The following SERGEF variants were observed in gnomAD, a reference collection of about 807,000 sequenced individuals.
SERGEF encodes the protein secretion-regulating guanine nucleotide exchange factor.
In SERGEF, 51 loss-of-function variants were observed where a neutral mutation model predicts 50.0. The observed-to-expected ratio is 1.02, with a 90% CI of 0.81 to 1.29. SERGEF has a LOEUF of 1.29. SERGEF is among the 50% of genes most tolerant of loss of function. The probability of loss-of-function intolerance (pLI) is 0.00; values close to 1 mark genes in which losing one functional copy is unlikely to be tolerated. For synonymous variants in SERGEF, 205 were observed against 212.4 expected (o/e 0.97, Z 0.30); for missense variants, 521 against 557.0 (o/e 0.94, Z 0.65).
At chr11:18,000,472 A>T in intron 5 of SERGEF, 25 bp downstream of exon 5, 1 of 1,502,666 alleles carries the variant, frequency 6.7e-7, no homozygotes, top group Non-Finnish European at 9.0e-7. Flanking sequence ...AAATAAAAAT[A>T]AAAAAATAAA....
At chr11:17,837,659 CTT>C (rs1181213006) in intron 10 of SERGEF, among the ~76,000 whole-genome samples, 32 of 133,494 alleles carry the variant, frequency 2.4e-4, no homozygotes, top group Admixed American at 5.3e-4. Flanking sequence ...AAACCTCTTT[CTT>C]TTTTTTTTTT....
chr11:17,844,907 AC>A (rs1850575875), intron 10 of SERGEF, among the ~76,000 whole-genome samples: 1 of 137,054 alleles, frequency 7.3e-6, no homozygotes, highest in African/African-American at 2.5e-5. Flanking sequence ...TTAAAAAAAA[AC>A]AAAACAAAAC....
intron 10 of SERGEF, among the ~76,000 whole-genome samples, chr11:17,811,971 G>C (rs1346559013): frequency 6.6e-6 from 1 of 152,208 alleles, no homozygotes; most frequent in African/African-American, 2.4e-5. Context: ...CAATGCATGG[G>C]TGAATGAAAC....
intron 9 of SERGEF, among the ~76,000 whole-genome samples, chr11:17,881,310 A>T (rs899685270): frequency 6.6e-6 from 1 of 152,240 alleles, no homozygotes; most frequent in African/African-American, 2.4e-5. Flanking sequence ...TTCCAGAAAC[A>T]AGCCATTGAC....
intron 9 of SERGEF, among the ~76,000 whole-genome samples, chr11:17,931,985 T>G (rs1184792875): frequency 2.0e-5 from 3 of 152,130 alleles, no homozygotes; most frequent in Non-Finnish European, 4.4e-5. Context: ...AGCTTTCAAT[T>G]AAACCTAAGA....
chr11:17,852,125 C>T (rs1198559547), intron 10 of SERGEF, among the ~76,000 whole-genome samples: 3 of 152,030 alleles, frequency 2.0e-5, no homozygotes, highest in African/African-American at 7.3e-5. Flanking sequence ...CCCTTTATAC[C>T]CATGATCTCA....
At chr11:17,923,960 A>T (rs1852206263) in intron 9 of SERGEF, among the ~76,000 whole-genome samples, 1 of 152,216 alleles carries the variant, frequency 6.6e-6, no homozygotes, top group Non-Finnish European at 1.5e-5. Context: ...TCCCAGGCCT[A>T]CCAATTACTA....
At chr11:17,998,916 T>C (rs1853902500) in intron 5 of SERGEF, among the ~76,000 whole-genome samples, 1 of 151,864 alleles carries the variant, frequency 6.6e-6, no homozygotes. Context: ...AGAAAATAAA[T>C]GTCTGTTCTT....
intron 6 of SERGEF, among the ~76,000 whole-genome samples, chr11:17,995,432 C>T (rs988283417): frequency 3.3e-5 from 5 of 152,256 alleles, no homozygotes; most frequent in South Asian, 2.1e-4. Flanking sequence ...ACAAGTACCC[C>T]GGTGCTTGGT....
chr11:17,838,161 C>T (rs1240307713), intron 10 of SERGEF, among the ~76,000 whole-genome samples: 1 of 152,168 alleles, frequency 6.6e-6, no homozygotes, highest in Non-Finnish European at 1.5e-5. Flanking sequence ...AGGGAAGCAA[C>T]CTGTTTTTGC....
chr11:17,790,693 G>A (rs1849471312), intron 10 of SERGEF, among the ~76,000 whole-genome samples: 1 of 152,182 alleles, frequency 6.6e-6, no homozygotes, highest in Non-Finnish European at 1.5e-5. Context: ...GCATGTATAT[G>A]TAAGCATGTT....
chr11:17,988,572 C>T (rs376432750), intron 8 of SERGEF, 25 bp downstream of exon 8: 49 of 1,611,494 alleles, frequency 3.0e-5, no homozygotes, highest in African/African-American at 1.5e-4. Context: ...TCTTACCAAC[C>T]GTAAGTTCTC....
intron 9 of SERGEF, among the ~76,000 whole-genome samples, chr11:17,931,054 T>A (rs1416134693): frequency 6.6e-6 from 1 of 152,170 alleles, no homozygotes; most frequent in African/African-American, 2.4e-5. Flanking sequence ...TCCTTCTGCA[T>A]TTGCAATTTA....
At chr11:17,847,446 T>A (rs1404308907) in intron 10 of SERGEF, among the ~76,000 whole-genome samples, 3 of 152,230 alleles carry the variant, frequency 2.0e-5, no homozygotes, top group Admixed American at 6.5e-5. Context: ...AATGCTTTCT[T>A]ATTTGACCTT....
intron 10 of SERGEF, among the ~76,000 whole-genome samples, chr11:17,833,554 G>A (rs1261186201): frequency 6.6e-6 from 1 of 152,190 alleles, no homozygotes; most frequent in African/African-American, 2.4e-5. Context: ...CCAGAATGGT[G>A]GATCCAATGA....
intron 8 of SERGEF, among the ~76,000 whole-genome samples, chr11:17,967,959 ACCCTATTATC>A (rs1348391389): frequency 6.6e-6 from 1 of 152,182 alleles, no homozygotes; most frequent in Non-Finnish European, 1.5e-5. Flanking sequence ...TCCCTAAAGC[ACCCTATTATC>A]CCCTGGTCAG....
At chr11:17,890,844 A>G (rs1382524522) in intron 9 of SERGEF, among the ~76,000 whole-genome samples, 1 of 152,232 alleles carries the variant, frequency 6.6e-6, no homozygotes, top group African/African-American at 2.4e-5. Flanking sequence ...GAGAGCAAAA[A>G]AAAGTGCTCA....
chr11:17,994,877 T>G lies in SERGEF; in HGVS notation c.622+919A>C, dbSNP rs112647877. On this transcript the variant is annotated intron_variant, in intron 6 of 10. Coordinates refer to ENST00000265965, the MANE Select transcript of SERGEF (RefSeq NM_012139.4). ...CACTGCAACCCACCCTTTCCTATTC[T>G]TCCCCCACCCCTTCCCACCATCCTC... is the stretch of plus-strand genomic sequence containing the variant. Among the ~76,000 whole-genome samples the G allele has an allele frequency of 6.9e-3, 1,055 of 152,190 alleles. 16 individuals are homozygous for G. Among genetic ancestry groups the G allele is most frequent in the African/African-American group, 0.024 (981 of 41,522 alleles).
intron 9 of SERGEF, among the ~76,000 whole-genome samples, chr11:17,957,725 T>C (rs930837802): frequency 6.7e-6 from 1 of 148,308 alleles, no homozygotes; most frequent in Admixed American, 6.7e-5. Flanking sequence ...CAACAGAGAT[T>C]CACTAGTGGT....
Sources: gnomAD v4.1 joint callset for allele counts (sites outside exome capture counted in the v4.1 genomes callset) on GRCh38, gnomAD v4.1.1 for gene constraint, MANE v1.5 for transcripts, NCBI Gene and HGNC (gene_info 2026-07-23, HGNC 2026-07-21) for gene names.